The following DENND2A variants were observed in gnomAD, a reference collection of about 807,000 sequenced individuals.
DENND2A encodes the protein DENN domain-containing protein 2A.
DENND2A carries 53 observed loss-of-function variants against 105.3 expected under a neutral mutation model. That is an observed-to-expected ratio of 0.50 (90% CI 0.40 to 0.63). The LOEUF (loss-of-function observed/expected upper bound fraction) is 0.63. Among genes scored for constraint, DENND2A ranks in the 30% least tolerant of loss-of-function variants. The pLI is 0.00. For synonymous variants in DENND2A, 522 were observed against 508.4 expected (o/e 1.03, Z -0.36); for missense variants, 1,138 against 1,279.6 (o/e 0.89, Z 1.69).
chr7:140,624,525 C>T (rs1200851007), intron 1 of DENND2A, among the ~76,000 whole-genome samples: 2 of 152,236 alleles, frequency 1.3e-5, no homozygotes, highest in East Asian at 3.9e-4. Flanking sequence ...TGTCACCTGG[C>T]CACATGGTGG....
At chr7:140,565,364 T>C (rs1336801718) in intron 9 of DENND2A, among the ~76,000 whole-genome samples, 1 of 152,052 alleles carries the variant, frequency 6.6e-6, no homozygotes, top group East Asian at 1.9e-4. Flanking sequence ...TTTTATGTCC[T>C]CCTGGGAGAG....
Position 140,601,673 on chromosome 7 carries a change from G to A in DENND2A, c.725C>T (p.Pro242Leu), listed in dbSNP as rs866423658. The A allele has an allele frequency of 6.2e-7, 1 of 1,613,632 alleles. No individual in the cohort carries two copies. Among genetic ancestry groups the A allele is most frequent in the Non-Finnish European group, 8.5e-7 (1 of 1,179,676 alleles). ...VEDRKGSCRR[P>L]WDRSLENVYR... The stretch of plus-strand genomic sequence containing the variant: ...CACGTTCTCAAGGCTCCGGTCCCAG[G>A]GCCTTCTGCATGAACCTTTCCTGTC... The change falls in exon 3 of 20, where the codon CCC (proline) becomes CTC (leucine). Residue 242 changes from proline (P) to leucine (L), a missense_variant. By Grantham distance (98) the Pro-to-Leu change is moderately conservative. Transcript: ENST00000496613.
intron 1 of DENND2A, among the ~76,000 whole-genome samples, chr7:140,631,256 G>C (rs1800723832): frequency 6.6e-6 from 1 of 152,142 alleles, no homozygotes. Flanking sequence ...AGGAACATGT[G>C]GATCTGCCTC....
At chr7:140,619,963 C>T (rs1389806189) in intron 1 of DENND2A, among the ~76,000 whole-genome samples, 1 of 151,772 alleles carries the variant, frequency 6.6e-6, no homozygotes, top group African/African-American at 2.4e-5. Context: ...AAGGCCAAGG[C>T]TGGTGGATCA....
At chr7:140,570,588 C>T (rs538138906) in intron 6 of DENND2A, among the ~76,000 whole-genome samples, 47 of 152,336 alleles carry the variant, frequency 3.1e-4, no homozygotes, top group Non-Finnish European at 5.1e-4. Flanking sequence ...GCAGCCCCAT[C>T]TGCAGAGGGA....
At chr7:140,524,583 T>G (rs1795981584) in intron 16 of DENND2A, among the ~76,000 whole-genome samples, 2 of 152,064 alleles carry the variant, frequency 1.3e-5, no homozygotes, top group South Asian at 4.1e-4. Flanking sequence ...TTCTCTCTTT[T>G]TTTTTTCTTC....
Position 140,545,773 on chromosome 7 carries a change from C to A in DENND2A, c.2179-1007G>T, listed in dbSNP as rs185402805. The stretch of plus-strand genomic sequence containing the variant: ...TCTCTTTAAATAGCTGCCTCCCTCC[C>A]GGTGAGCAGAGAGTGGATTTCACTC... On this transcript the variant is annotated intron_variant, in intron 13 of 19. Coordinates refer to ENST00000496613, the MANE Select transcript of DENND2A (RefSeq NM_015689.5). 2.2e-3 allele frequency among the ~76,000 whole-genome samples: 339 copies of A among 152,308 alleles called. 1 individual carries two copies. Among genetic ancestry groups the A allele is most frequent in the Non-Finnish European group, 3.2e-3 (218 of 68,014 alleles).
At chr7:140,594,015 C>T (rs1004099168) in intron 3 of DENND2A, among the ~76,000 whole-genome samples, 1 of 151,990 alleles carries the variant, frequency 6.6e-6, no homozygotes, top group Non-Finnish European at 1.5e-5. Flanking sequence ...AGGCGATTCT[C>T]CTGCCTCAGC....
chr7:140,625,495 C>T (rs1436384485), intron 1 of DENND2A, among the ~76,000 whole-genome samples: 2 of 152,084 alleles, frequency 1.3e-5, no homozygotes, highest in Admixed American at 6.6e-5. Context: ...GCCTGGCCAA[C>T]ATGGTGAAAC....
At chr7:140,614,999 T>C (rs754270410) in intron 1 of DENND2A, among the ~76,000 whole-genome samples, 1 of 152,168 alleles carries the variant, frequency 6.6e-6, no homozygotes, top group Non-Finnish European at 1.5e-5. Context: ...CCCAGGTAGC[T>C]GGGACTACAG....
At chr7:140,589,237 C>A (rs1798912217) in intron 3 of DENND2A, among the ~76,000 whole-genome samples, 2 of 152,186 alleles carry the variant, frequency 1.3e-5, no homozygotes, top group South Asian at 4.1e-4. Flanking sequence ...AAGCTGCATT[C>A]ACAGGCTCCA....
intron 1 of DENND2A, among the ~76,000 whole-genome samples, chr7:140,626,001 G>C (rs925329511): frequency 6.6e-6 from 1 of 152,154 alleles, no homozygotes; most frequent in Non-Finnish European, 1.5e-5. Flanking sequence ...AATGTTCACA[G>C]TAAGCTTACT....
At chr7:140,569,607 G>T in intron 7 of DENND2A, 38 bp downstream of exon 7, 1 of 1,408,008 alleles carries the variant, frequency 7.1e-7, no homozygotes, top group South Asian at 1.2e-5. Context: ...TCTCTTTTCC[G>T]ATTCTTGCGG....
At chr7:140,612,794 G>A (rs995654491) in intron 1 of DENND2A, among the ~76,000 whole-genome samples, 3 of 151,780 alleles carry the variant, frequency 2.0e-5, no homozygotes, top group South Asian at 2.1e-4. Flanking sequence ...GAGCCACTGC[G>A]TCCAGCCCTG....
In DENND2A at chr7:140,544,485, G is replaced by A. The variant is rs114896251; in HGVS notation, c.2327+133C>T. 5,694 of 1,204,870 alleles carry A rather than the reference G, an allele frequency of 4.7e-3. 205 individuals are homozygous for A. The African/African-American group carries it at 0.076, about 16-fold the overall frequency. 74.6% of individuals were successfully genotyped at this position (1,204,870 alleles called of 1,614,324 possible). ...GCTGAGATTACAGGTGTGAGTCACC[G>A]CGCCCAGCCTATTCCATCCTTATCT... On this transcript the variant is annotated intron_variant, in intron 14 of 19. Coordinates refer to ENST00000496613, the MANE Select transcript of DENND2A (RefSeq NM_015689.5).
intron 14 of DENND2A, among the ~76,000 whole-genome samples, chr7:140,542,689 G>A (rs905642082): frequency 6.6e-6 from 1 of 150,740 alleles, no homozygotes; most frequent in African/African-American, 2.4e-5. Context: ...AAGCCTCCCA[G>A]GTAGCTGGGA....
Position 140,521,955 on chromosome 7 carries a change from G to A in DENND2A, c.2811C>T (p.Val937=), listed in dbSNP as rs1194749291. 1 of 1,614,142 alleles carries A rather than the reference G, an allele frequency of 6.2e-7. No individual in the cohort carries two copies. Among genetic ancestry groups the A allele is most frequent in the Admixed American group, 1.7e-5 (1 of 60,026 alleles). Reference sequence around the variant, plus strand: ...GGAAGTGGCGGAGGCTCTTGGAGGAGACAGCTTTGCGGAAGGCCTCCCGCT... The same window carrying A: ...GGAAGTGGCGGAGGCTCTTGGAGGAAACAGCTTTGCGGAAGGCCTCCCGCT... ...TLQREAFRKA[V]SSKSLRHFLE... The change falls in exon 18 of 20, where the codon GTC becomes GTT. Residue 937 remains valine, a synonymous_variant. Coordinates refer to ENST00000496613, the MANE Select transcript of DENND2A (RefSeq NM_015689.5).
chr7:140,596,232 C>T (rs1304730466), intron 3 of DENND2A, among the ~76,000 whole-genome samples: 1 of 152,194 alleles, frequency 6.6e-6, no homozygotes, highest in African/African-American at 2.4e-5. Context: ...GAAGAGCAAG[C>T]ACCGTCTCTC....
At chr7:140,544,971 G>A (rs1252381821) in intron 13 of DENND2A, 7 of 647,484 alleles carry the variant, frequency 1.1e-5, no homozygotes, top group Non-Finnish European at 1.3e-5. Flanking sequence ...GCTTTGGTAG[G>A]GAAGCAAGCG....
Sources: allele counts gnomAD v4.1 joint callset (sites outside exome capture counted in the v4.1 genomes callset), GRCh38; gene constraint gnomAD v4.1.1; transcripts MANE v1.5; gene names NCBI Gene and HGNC (gene_info 2026-07-23, HGNC 2026-07-21).